The following SP140 variants were observed in gnomAD, a reference collection of about 807,000 sequenced individuals.
SP140 encodes the protein SP140 nuclear body protein.
In SP140, 81 loss-of-function variants were observed where a neutral mutation model predicts 125.0. The observed-to-expected ratio is 0.65, with a 90% CI of 0.54 to 0.78. The LOEUF is 0.78. Ranked by LOEUF, SP140 falls within the 30% of genes least tolerant of loss-of-function variation. SP140 has a pLI of 0.00. For missense variants in SP140, 858 were observed against 1,037.0 expected (o/e 0.83, Z 2.37); for synonymous variants, 312 against 354.0 (o/e 0.88, Z 1.33).
At chr2:230,238,653 C>G in intron 3 of SP140, 1 of 958,068 alleles carries the variant, frequency 1.0e-6, no homozygotes, top group South Asian at 1.6e-5. Flanking sequence ...GTTGAAGTCT[C>G]TATTTTTTTG....
At chr2:230,232,920 C>A (rs1368117953) in intron 1 of SP140, among the ~76,000 whole-genome samples, 2 of 152,088 alleles carry the variant, frequency 1.3e-5, no homozygotes, top group East Asian at 3.8e-4. Flanking sequence ...TACCTTCTTT[C>A]TCATTTGTAT....
In SP140 at chr2:230,269,455, A is replaced by G. The variant is rs528706117; in HGVS notation, c.1241-77A>G. 2.1e-3 allele frequency: 1,836 copies of G among 858,778 alleles called. 4 individuals are homozygous for G. Among genetic ancestry groups the G allele is most frequent in the Non-Finnish European group, 3.2e-3 (1,577 of 497,930 alleles). 53.2% of individuals were successfully genotyped at this position (858,778 alleles called of 1,614,324 possible). A position where few individuals can be genotyped will look rare whatever the true frequency, so the allele number is the denominator to read the frequency against. ...ATCTTAGCTCAGAATATCAGTGTGC[A>G]GTATAGCAGCACTGGAAACTCTTCT... is the stretch of plus-strand genomic sequence containing the variant. On this transcript the variant is annotated intron_variant, in intron 12 of 26. Coordinates refer to ENST00000392045, the MANE Select transcript of SP140 (RefSeq NM_007237.5).
chr2:230,206,595 TTATATATATATATATATA>T (rs56817002), intron 1 of SP140, among the ~76,000 whole-genome samples: 1,353 of 70,506 alleles, frequency 0.019, 97 homozygotes, highest in South Asian at 0.044. Flanking sequence ...GGTCCAGATT[TTATATATATATATATATA>T]TATATATATA....
chr2:230,255,539 A>AC lies in SP140; in HGVS notation c.1240+8dup. ...CTAGCAAGACGTGGGTCAGGTAAGGACGGGGGGGGGGATTTCTGGCCCTGG... is the reference window on the plus strand; with the variant it reads ...CTAGCAAGACGTGGGTCAGGTAAGGACCGGGGGGGGGGATTTCTGGCCCTGG... On this transcript the variant is annotated splice_region_variant and intron_variant, in intron 12 of 26. Coordinates refer to ENST00000392045, the MANE Select transcript of SP140 (RefSeq NM_007237.5). 2 of 1,454,786 alleles carry AC rather than the reference A, an allele frequency of 1.4e-6. No homozygotes were observed. The highest frequency in any genetic ancestry group is 1.8e-6 in the Non-Finnish European group (2 of 1,097,822). The allele number at this position is 1,454,786 out of a possible 1,614,324, so 90.1% of individuals were successfully genotyped here. A position where few individuals can be genotyped will look rare whatever the true frequency, so the allele number is the denominator to read the frequency against.
intron 15 of SP140, among the ~76,000 whole-genome samples, chr2:230,278,637 C>T (rs2055070127): frequency 6.6e-6 from 1 of 151,962 alleles, no homozygotes; most frequent in Non-Finnish European, 1.5e-5. Flanking sequence ...TTATATTTGA[C>T]ATTTAAGCCT....
chr2:230,196,345 G>A, the SP140 span, among the ~76,000 whole-genome samples: 3 of 152,034 alleles, frequency 2.0e-5, no homozygotes, highest in East Asian at 1.9e-4. Context: ...TGAATCATAC[G>A]TAACGTGCCA....
chr2:230,241,199 G>A (rs781037894), intron 3 of SP140, among the ~76,000 whole-genome samples: 2 of 152,136 alleles, frequency 1.3e-5, no homozygotes, highest in Non-Finnish European at 2.9e-5. Context: ...TGGTGGAAAT[G>A]TTCTGAATCT....
Position 230,244,931 on chromosome 2 carries a change from T to A in SP140, c.572-57T>A, listed in dbSNP as rs150638716. ...CTCACTTGAGTGCTGAACACCAGGA[T>A]TCAGCAGGAGCATCCTGAGGTCTGT... is the stretch of plus-strand genomic sequence containing the variant. On this transcript the variant is annotated intron_variant, in intron 5 of 26. Coordinates refer to ENST00000392045, the MANE Select transcript of SP140 (RefSeq NM_007237.5). The A allele has an allele frequency of 3.5e-4, 445 of 1,266,200 alleles. 1 individual carries two copies. The highest frequency in any genetic ancestry group is 2.7e-3 in the African/African-American group (182 of 67,484). The allele number at this position is 1,266,200 out of a possible 1,614,324, so 78.4% of individuals were successfully genotyped here.
At chr2:230,240,876 A>T (rs2048627353) in intron 3 of SP140, among the ~76,000 whole-genome samples, 1 of 152,222 alleles carries the variant, frequency 6.6e-6, no homozygotes, top group Admixed American at 6.5e-5. Context: ...AGCCTTATTC[A>T]TAATAACTAA....
chr2:230,305,839 G>A (rs993918633), intron 22 of SP140, among the ~76,000 whole-genome samples: 4 of 152,234 alleles, frequency 2.6e-5, no homozygotes, highest in Admixed American at 1.3e-4. Context: ...GCCAGAGGCC[G>A]TGTCCCTAGG....
intron 15 of SP140, 76 bp downstream of exon 15, chr2:230,270,715 T>C: frequency 7.5e-7 from 1 of 1,338,294 alleles, no homozygotes; most frequent in Non-Finnish European, 1.1e-6. Context: ...ATTTTGTCAT[T>C]GTTACTATTT....
intron 22 of SP140, among the ~76,000 whole-genome samples, chr2:230,307,967 A>G (rs1461721377): frequency 2.6e-5 from 2 of 76,136 alleles, no homozygotes; most frequent in African/African-American, 1.0e-4. Context: ...ATATATATAT[A>G]TATATATATA....
chr2:230,196,008 C>A, the SP140 span, among the ~76,000 whole-genome samples: 116,240 of 152,094 alleles, frequency 0.76, 44,549 homozygotes, highest in Admixed American at 0.83. Flanking sequence ...TATATTACTA[C>A]TAATCAAAGA....
chr2:230,241,613 C>T, intron 4 of SP140, 126 bp downstream of exon 4: 2 of 640,676 alleles, frequency 3.1e-6, no homozygotes, highest in Admixed American at 2.6e-5. Context: ...TCCCCTCACA[C>T]AGCCATGTAC....
the SP140 span, among the ~76,000 whole-genome samples, chr2:230,192,435 A>G: frequency 3.3e-5 from 5 of 152,218 alleles, no homozygotes; most frequent in African/African-American, 1.2e-4. Context: ...ACTTCAACAA[A>G]GTCTCAGGAT....
At chr2:230,249,079 T>A in intron 9 of SP140, 111 bp downstream of exon 9, 1 of 725,922 alleles carries the variant, frequency 1.4e-6, no homozygotes, top group South Asian at 1.8e-5. Flanking sequence ...CACATTCGCA[T>A]ACATACAGAT....
intron 22 of SP140, among the ~76,000 whole-genome samples, chr2:230,304,908 T>C (rs2058614337): frequency 6.6e-6 from 1 of 152,060 alleles, no homozygotes; most frequent in African/African-American, 2.4e-5. Context: ...GATAAATAGA[T>C]GGGATTTAAT....
upstream of SP140, among the ~76,000 whole-genome samples, chr2:230,198,762 T>A (rs1255385675): frequency 6.6e-6 from 1 of 151,980 alleles, no homozygotes; most frequent in Non-Finnish European, 1.5e-5. Context: ...GCTCAGCTAA[T>A]TTTTTTTGTA....
the SP140 span, among the ~76,000 whole-genome samples, chr2:230,197,369 C>A: frequency 1.3e-5 from 2 of 150,490 alleles, no homozygotes; most frequent in Non-Finnish European, 3.0e-5. Flanking sequence ...TCATATCCTT[C>A]GCCCACTTTT....
Sources: gnomAD v4.1 joint callset for allele counts (sites outside exome capture counted in the v4.1 genomes callset) on GRCh38, gnomAD v4.1.1 for gene constraint, MANE v1.5 for transcripts, NCBI Gene and HGNC (gene_info 2026-07-23, HGNC 2026-07-21) for gene names.